The following NEK7 variants were observed in gnomAD, a reference collection of about 807,000 sequenced individuals.
The protein encoded by NEK7 is NIMA related kinase 7.
Under a neutral mutation model 44.6 loss-of-function variants are expected in NEK7, and 18 were observed. The observed-to-expected ratio is 0.40, with a 90% CI of 0.28 to 0.60. The LOEUF (loss-of-function observed/expected upper bound fraction) is 0.60. Ranked by LOEUF, NEK7 falls within the 20% of genes least tolerant of loss-of-function variation. The probability of loss-of-function intolerance (pLI) is 0.38; values close to 1 mark genes in which losing one functional copy is unlikely to be tolerated. For missense variants in NEK7, 256 were observed against 366.5 expected, an observed-to-expected ratio of 0.70 and a Z score of 2.46; for synonymous variants, 130 against 121.1, an observed-to-expected ratio of 1.07 and a Z score of -0.48.
chr1:198,310,344 G>A lies in NEK7; in HGVS notation c.799-9068G>A, dbSNP rs1333349638. On this transcript the variant is annotated intron_variant, in intron 9 of 9. Transcript: ENST00000367385. ...AGTTCATTGTAGATTCTGGATATTA[G>A]CCTTTGTCAGATGAGTAGGTTGTGA... Among the ~76,000 whole-genome samples the A allele has an allele frequency of 2.0e-5, 3 of 151,836 alleles. No homozygotes were observed. The East Asian group carries it at 5.8e-4, about 30-fold the overall frequency.
chr1:198,290,223 G>A (rs185478953), intron 7 of NEK7, among the ~76,000 whole-genome samples: 1 of 152,158 alleles, frequency 6.6e-6, no homozygotes, highest in Non-Finnish European at 1.5e-5. Context: ...ACATAGGACA[G>A]TAATTCGCAT....
At chr1:198,313,696 T>C (rs1221352429) in intron 9 of NEK7, among the ~76,000 whole-genome samples, 2 of 135,956 alleles carry the variant, frequency 1.5e-5, no homozygotes, top group Admixed American at 1.5e-4. Context: ...CCTTCACTTA[T>C]GAAGCTTAGT....
At chr1:198,242,670 G>A (rs1030512948) in intron 2 of NEK7, among the ~76,000 whole-genome samples, 15 of 151,498 alleles carry the variant, frequency 9.9e-5, no homozygotes, top group Non-Finnish European at 1.8e-4. Flanking sequence ...CACTGTGTTA[G>A]CCAGGATGGT....
At chr1:198,278,717 T>C (rs1654098136) in intron 6 of NEK7, among the ~76,000 whole-genome samples, 1 of 151,864 alleles carries the variant, frequency 6.6e-6, no homozygotes, top group African/African-American at 2.4e-5. Flanking sequence ...GCATTTGAAA[T>C]AGAAATTAAT....
chr1:198,202,326 C>T (rs1571527120), intron 1 of NEK7, among the ~76,000 whole-genome samples: 3 of 152,206 alleles, frequency 2.0e-5, no homozygotes, highest in Admixed American at 2.0e-4. Context: ...TTGGCGCTTT[C>T]CTCACTTTAG....
intron 1 of NEK7, among the ~76,000 whole-genome samples, chr1:198,215,973 C>T (rs1411854044): frequency 1.3e-5 from 2 of 152,050 alleles, no homozygotes; most frequent in South Asian, 2.1e-4. Flanking sequence ...CTTTAACACT[C>T]CACTGACAGT....
intron 9 of NEK7, 25 bp from the exon 10 acceptor site, chr1:198,319,387 T>C (rs1655470792): frequency 6.5e-7 from 1 of 1,549,670 alleles, no homozygotes; most frequent in Non-Finnish European, 8.9e-7. Flanking sequence ...CTTAATCAGG[T>C]TTTATTGTTT....
chr1:198,250,887 A>G (rs936920646), intron 2 of NEK7, among the ~76,000 whole-genome samples: 1 of 151,886 alleles, frequency 6.6e-6, no homozygotes, highest in Non-Finnish European at 1.5e-5. Context: ...TCTCCTGCCT[A>G]ATTGCCCTGG....
At chr1:198,161,708 T>G (rs1358251192) in intron 1 of NEK7, among the ~76,000 whole-genome samples, 1 of 152,118 alleles carries the variant, frequency 6.6e-6, no homozygotes, top group Admixed American at 6.5e-5. Flanking sequence ...CACCATTCTT[T>G]GCTTCTGGAG....
chr1:198,290,428 T>C (rs1000687160), intron 7 of NEK7, among the ~76,000 whole-genome samples: 1 of 152,194 alleles, frequency 6.6e-6, no homozygotes, highest in African/African-American at 2.4e-5. Context: ...TTAAATGTAC[T>C]GCAAATTTTC....
chr1:198,180,096 G>A (rs538140233), intron 1 of NEK7, among the ~76,000 whole-genome samples: 2 of 152,036 alleles, frequency 1.3e-5, no homozygotes, highest in East Asian at 1.9e-4. Flanking sequence ...GCATATTGAT[G>A]CTTATTTTGC....
At chr1:198,264,484 C>T (rs1558085426) in intron 5 of NEK7, among the ~76,000 whole-genome samples, 1 of 151,950 alleles carries the variant, frequency 6.6e-6, no homozygotes, top group Non-Finnish European at 1.5e-5. Flanking sequence ...GGCCAAGATA[C>T]TTGTCTTCTG....
rs1356943871 is a variant in NEK7 at position 198,269,852 on chromosome 1, A to G, written c.372+5617A>G. On this transcript the variant is annotated intron_variant, in intron 5 of 9. Transcript: ENST00000367385. The stretch of plus-strand genomic sequence containing the variant: ...TGTGGTCAGATGAAATACTTCCCAG[A>G]TGAGTTTTAGGATAAAAGGAAATCT... Among the ~76,000 whole-genome samples, 8 of 152,052 alleles carry G rather than the reference A, an allele frequency of 5.3e-5. No homozygotes were observed. In the South Asian group the frequency reaches 1.7e-3, roughly 32 times the overall value.
chr1:198,287,125 G>A (rs967199043), intron 7 of NEK7, among the ~76,000 whole-genome samples: 2 of 152,126 alleles, frequency 1.3e-5, no homozygotes, highest in African/African-American at 4.8e-5. Flanking sequence ...TAATGGACGC[G>A]ACAGCTAGGG....
intron 1 of NEK7, among the ~76,000 whole-genome samples, chr1:198,160,894 A>C (rs1410863030): frequency 6.6e-6 from 1 of 152,306 alleles, no homozygotes; most frequent in South Asian, 2.1e-4. Context: ...ATTTTCACAA[A>C]ATTTTTTTTA....
At position 198,250,777 on chromosome 1, in the gene NEK7, T is replaced by G. The variant is rs1156594967; in HGVS notation, c.58-2263T>G. On this transcript the variant is annotated intron_variant, in intron 2 of 9. Coordinates refer to ENST00000367385, the MANE Select transcript of NEK7 (RefSeq NM_133494.3). ...GTTGCTTATCAGCTTAAGGAGATTT[T>G]GGGCTGAGACAATGGGGTTTTCTAG... Among the ~76,000 whole-genome samples, 66 of 146,192 alleles carry G rather than the reference T, an allele frequency of 4.5e-4. 1 individual carries two copies. Among genetic ancestry groups the G allele is most frequent in the African/African-American group, 1.6e-3 (63 of 39,302 alleles).
In NEK7 at chr1:198,253,167, TA is replaced by T; in HGVS notation, c.192del (p.Val65CysfsTer6). On this transcript the variant is annotated frameshift_variant, in exon 3 of 10. Coordinates refer to ENST00000367385, the MANE Select transcript of NEK7 (RefSeq NM_133494.3). LOFTEE classifies it high-confidence loss of function. ...ACLLDGVPVA[L>X]KKVQIFDLMD... ...CTCTTGGATGGAGTACCAGTAGCTT[TA>T]AAAAAAGTGCAGGTAAGATGACTTT... 6.2e-7 allele frequency: 1 copy of T among 1,601,142 alleles called. No individual in the cohort carries two copies. Among genetic ancestry groups the T allele is most frequent in the Non-Finnish European group, 8.5e-7 (1 of 1,173,290 alleles).
chr1:198,256,293 A>G (rs986009701), intron 3 of NEK7: 1 of 1,539,470 alleles, frequency 6.5e-7, no homozygotes, highest in Non-Finnish European at 8.7e-7. Flanking sequence ...GGCTATTAAC[A>G]AAGGATGTGT....
intron 1 of NEK7, among the ~76,000 whole-genome samples, chr1:198,206,326 T>C (rs1665596937): frequency 3.3e-5 from 5 of 152,178 alleles, no homozygotes; most frequent in South Asian, 2.1e-4. Context: ...GATTGGCTGA[T>C]ATGTGCTCAT....
Sources: allele counts gnomAD v4.1 joint callset (sites outside exome capture counted in the v4.1 genomes callset), GRCh38; gene constraint gnomAD v4.1.1; transcripts MANE v1.5; gene names NCBI Gene and HGNC (gene_info 2026-07-23, HGNC 2026-07-21).